Variants in MTSS1 observed in about 807,000 individuals in gnomAD.
The protein encoded by MTSS1 is MTSS I-BAR domain containing 1.
Under a neutral mutation model 79.0 loss-of-function variants are expected in MTSS1, and 18 were observed. The observed-to-expected ratio is 0.23, with a 90% CI of 0.16 to 0.34. The LOEUF is 0.34. Among genes scored for constraint, MTSS1 ranks in the 10% least tolerant of loss-of-function variants. The probability of loss-of-function intolerance (pLI) is 1.00; values close to 1 mark genes in which losing one functional copy is unlikely to be tolerated. For synonymous variants in MTSS1, 341 were observed against 368.6 expected, an observed-to-expected ratio of 0.93 and a Z score of 0.86; for missense variants, 815 against 986.2, an observed-to-expected ratio of 0.83 and a Z score of 2.33.
chr8:124,588,524 C>A (rs1328336235), intron 5 of MTSS1, among the ~76,000 whole-genome samples: 5 of 152,178 alleles, frequency 3.3e-5, no homozygotes, highest in Non-Finnish European at 5.9e-5. Flanking sequence ...TCCTCTCATA[C>A]CATCAAGGTC....
At chr8:124,685,865 T>C (rs1044821565) in intron 3 of MTSS1, among the ~76,000 whole-genome samples, 18 of 151,860 alleles carry the variant, frequency 1.2e-4, no homozygotes, top group African/African-American at 4.4e-4. Flanking sequence ...GCGGCAGAAG[T>C]TGGAGACAGA....
At chr8:124,598,515 A>G (rs1833162204) in intron 3 of MTSS1, among the ~76,000 whole-genome samples, 1 of 152,160 alleles carries the variant, frequency 6.6e-6, no homozygotes, top group Admixed American at 6.5e-5. Flanking sequence ...GTGCTGTTCC[A>G]GGGAAGCCAC....
chr8:124,678,918 T>C (rs1036740736), intron 3 of MTSS1, among the ~76,000 whole-genome samples: 1 of 152,264 alleles, frequency 6.6e-6, no homozygotes, highest in Non-Finnish European at 1.5e-5. Context: ...CTCCTTCGAC[T>C]ATAAAACACC....
chr8:124,574,420 C>A (rs1247821366), intron 6 of MTSS1, among the ~76,000 whole-genome samples: 1 of 152,144 alleles, frequency 6.6e-6, no homozygotes, highest in Non-Finnish European at 1.5e-5. Flanking sequence ...CTGAGGGAGG[C>A]AAAGTGGTCT....
rs191692335 is a variant in MTSS1 at position 124,562,195 on chromosome 8, G to A, written c.1035+587C>T. Among the ~76,000 whole-genome samples the A allele has an allele frequency of 5.7e-4, 87 of 152,332 alleles. 1 individual carries two copies. The highest frequency in any genetic ancestry group is 4.4e-5 in the Non-Finnish European group (3 of 68,032). ...GTTCTGCTCCAGCTGGAACCACTGGGCTGGGCTGGGCCTAGCACCATTAAA... is the reference window on the plus strand; with the variant it reads ...GTTCTGCTCCAGCTGGAACCACTGGACTGGGCTGGGCCTAGCACCATTAAA... On this transcript the variant is annotated intron_variant, in intron 10 of 13. Transcript: ENST00000518547.
intron 3 of MTSS1, among the ~76,000 whole-genome samples, chr8:124,689,695 A>C (rs1587823343): frequency 6.6e-6 from 1 of 150,760 alleles, no homozygotes; most frequent in East Asian, 2.0e-4. Flanking sequence ...CCAGTGAGCC[A>C]AGATCGCACC....
intron 3 of MTSS1, among the ~76,000 whole-genome samples, chr8:124,689,927 C>T (rs1827666713): frequency 6.6e-6 from 1 of 151,842 alleles, no homozygotes; most frequent in Admixed American, 6.6e-5. Context: ...GAAGCAAAGG[C>T]AAGAACTAGG....
chr8:124,680,952 T>C (rs909867294), intron 3 of MTSS1, among the ~76,000 whole-genome samples: 28 of 152,132 alleles, frequency 1.8e-4, no homozygotes, highest in African/African-American at 5.8e-4. Context: ...GGGATTTCTT[T>C]AGACCGCAGG....
intron 5 of MTSS1, among the ~76,000 whole-genome samples, chr8:124,589,194 C>T (rs1250503988): frequency 6.7e-6 from 1 of 150,142 alleles, no homozygotes; most frequent in African/African-American, 2.5e-5. Flanking sequence ...CCATGCTTGG[C>T]TAATTTTTGT....
chr8:124,651,315 T>TGGCA (rs1221222529), intron 3 of MTSS1, among the ~76,000 whole-genome samples: 1 of 152,238 alleles, frequency 6.6e-6, no homozygotes. Flanking sequence ...CAGTCACGTG[T>TGGCA]GGCAGTTCAA....
Position 124,567,112 on chromosome 8 carries a change from G to A in MTSS1, c.685C>T (p.Leu229=), listed in dbSNP as rs1390808431. The change falls in exon 8 of 14, where the codon CTG becomes TTG. Residue 229 remains leucine (L), a synonymous_variant. Transcript: ENST00000518547. ...GGCAGTTTGTGAGGGTCCATGGTCA[G>A]GCTTTTTAGATCTTCCGAGATGGTC... ...LQTISEDLKS[L]TMDPHKLPSS... is the part of the protein sequence containing the mutation. 1.9e-6 allele frequency: 3 copies of A among 1,614,038 alleles called. No individual in the cohort carries two copies. Among genetic ancestry groups the A allele is most frequent in the Middle Eastern group, 1.6e-4 (1 of 6,084 alleles).
intron 3 of MTSS1, among the ~76,000 whole-genome samples, 169 bp from the exon 4 acceptor site, chr8:124,591,404 A>C (rs1831851154): frequency 6.6e-6 from 1 of 152,224 alleles, no homozygotes. Context: ...GGCACATGTA[A>C]ACATGTATGT....
intron 3 of MTSS1, among the ~76,000 whole-genome samples, chr8:124,643,656 C>G (rs2134034781): frequency 7.1e-6 from 1 of 140,522 alleles, no homozygotes; most frequent in East Asian, 2.1e-4. Flanking sequence ...CAAGATCGCA[C>G]CATTGCACTC....
intron 8 of MTSS1, among the ~76,000 whole-genome samples, chr8:124,566,626 G>A (rs1241232693): frequency 6.6e-6 from 1 of 152,216 alleles, no homozygotes; most frequent in African/African-American, 2.4e-5. Flanking sequence ...GAGAAATGGA[G>A]AATGGTTGAC....
intron 3 of MTSS1, among the ~76,000 whole-genome samples, chr8:124,592,689 C>G (rs957384097): frequency 2.0e-5 from 3 of 152,152 alleles, no homozygotes; most frequent in African/African-American, 7.2e-5. Context: ...TTATTTCAGT[C>G]TGAAGAGAGA....
chr8:124,558,393 A>C (rs952775083), intron 10 of MTSS1, among the ~76,000 whole-genome samples: 1 of 152,034 alleles, frequency 6.6e-6, no homozygotes, highest in Non-Finnish European at 1.5e-5. Context: ...GGCTCATCCA[A>C]CGGTCTGGTG....
chr8:124,653,906 G>A (rs906034206), intron 3 of MTSS1, among the ~76,000 whole-genome samples: 11 of 152,236 alleles, frequency 7.2e-5, no homozygotes, highest in Admixed American at 4.6e-4. Context: ...AACAGATGCC[G>A]GAAACTTTAA....
chr8:124,557,044 AAG>A (rs1466468994), intron 11 of MTSS1, among the ~76,000 whole-genome samples: 3 of 152,192 alleles, frequency 2.0e-5, no homozygotes, highest in Non-Finnish European at 4.4e-5. Flanking sequence ...CTCCTCTCAA[AAG>A]AGAGCAGATT....
intron 3 of MTSS1, among the ~76,000 whole-genome samples, chr8:124,697,025 T>C (rs1218012597): frequency 6.6e-6 from 1 of 152,112 alleles, no homozygotes; most frequent in East Asian, 1.9e-4. Context: ...CCTTCAAAGA[T>C]GACAATTTCC....
Sources: gnomAD v4.1 joint callset for allele counts (sites outside exome capture counted in the v4.1 genomes callset) on GRCh38, gnomAD v4.1.1 for gene constraint, MANE v1.5 for transcripts, NCBI Gene and HGNC (gene_info 2026-07-23, HGNC 2026-07-21) for gene names.